AKAP6: variants seen among roughly 807,000 people sequenced by gnomAD.
AKAP6 encodes A-kinase anchoring protein 6, also known as A-kinase anchor protein 6.
Under a neutral mutation model 188.5 loss-of-function variants are expected in AKAP6, and 58 were observed. The ratio of observed to expected loss-of-function variants is 0.31; its 90% CI spans 0.25 to 0.38. AKAP6 has a LOEUF of 0.38. Among genes scored for constraint, AKAP6 ranks in the 10% least tolerant of loss-of-function variants. AKAP6 has a pLI of 1.00. For missense variants in AKAP6, 2,710 were observed against 2,740.0 expected, an observed-to-expected ratio of 0.99 and a Z score of 0.24; for synonymous variants, 989 against 998.6, an observed-to-expected ratio of 0.99 and a Z score of 0.18.
At chr14:32,536,341 G>C (rs1027364288) in intron 3 of AKAP6, among the ~76,000 whole-genome samples, 4 of 152,158 alleles carry the variant, frequency 2.6e-5, no homozygotes, top group Admixed American at 6.5e-5. Flanking sequence ...GGTGAACAGA[G>C]GCAGAACATG....
intron 9 of AKAP6, among the ~76,000 whole-genome samples, chr14:32,696,771 T>C (rs1890419770): frequency 6.6e-6 from 1 of 151,446 alleles, no homozygotes; most frequent in African/African-American, 2.4e-5. Context: ...GCAGTTCTTA[T>C]AAAGCAATCA....
intron 2 of AKAP6, among the ~76,000 whole-genome samples, chr14:32,533,371 A>G (rs1882514695): frequency 6.6e-6 from 1 of 152,174 alleles, no homozygotes; most frequent in South Asian, 2.1e-4. Flanking sequence ...AAAGTGGCTA[A>G]AAGGCATTGA....
At chr14:32,625,898 T>G (rs1887002771) in intron 7 of AKAP6, among the ~76,000 whole-genome samples, 1 of 152,122 alleles carries the variant, frequency 6.6e-6, no homozygotes. Context: ...GGTGACTGTA[T>G]TTCAGCCTGG....
intron 1 of AKAP6, among the ~76,000 whole-genome samples, chr14:32,352,095 G>GTGTT (rs1555320167): frequency 8.8e-4 from 101 of 114,816 alleles, no homozygotes; most frequent in Non-Finnish European, 1.5e-3. Context: ...GTGTGTGTGT[G>GTGTT]TGTGTGTTTG....
At chr14:32,713,788 G>GA in intron 9 of AKAP6, among the ~76,000 whole-genome samples, 1 of 152,112 alleles carries the variant, frequency 6.6e-6, no homozygotes, top group Non-Finnish European at 1.5e-5. Flanking sequence ...CTTCTATCTA[G>GA]ACCACTAAAA....
chr14:32,364,646 G>A (rs144051446), intron 1 of AKAP6, among the ~76,000 whole-genome samples: 7 of 151,876 alleles, frequency 4.6e-5, no homozygotes, highest in Non-Finnish European at 1.0e-4. Context: ...CTATCTCGGC[G>A]CTGTCCCCTG....
chr14:32,817,451 C>CTGTGTGTG (rs5807685), intron 12 of AKAP6, among the ~76,000 whole-genome samples: 1 of 144,586 alleles, frequency 6.9e-6, no homozygotes, highest in African/African-American at 2.5e-5. Flanking sequence ...ATCTGTATAG[C>CTGTGTGTG]TGTGTGTGTG....
At chr14:32,737,592 A>G (rs1431789078) in intron 11 of AKAP6, among the ~76,000 whole-genome samples, 1 of 152,094 alleles carries the variant, frequency 6.6e-6, no homozygotes, top group Non-Finnish European at 1.5e-5. Flanking sequence ...CTTTTTACAT[A>G]TGGGAAACCC....
chr14:32,543,795 C>T (rs1018887907), intron 3 of AKAP6, among the ~76,000 whole-genome samples: 11 of 152,018 alleles, frequency 7.2e-5, no homozygotes, highest in East Asian at 1.9e-4. Flanking sequence ...TATCCAGGGC[C>T]GGTGTCATCT....
chr14:32,650,582 G>A (rs560313452), intron 7 of AKAP6, among the ~76,000 whole-genome samples: 18 of 152,112 alleles, frequency 1.2e-4, no homozygotes, highest in Admixed American at 2.0e-4. Flanking sequence ...CTGTACTCCA[G>A]CGTGGGCAAC....
rs551476878 is a variant in AKAP6 at position 32,484,482 on chromosome 14, G to C, written c.324+50665G>C. ...GATGCAAGCAGAAGTAGGAGAGAAG[G>C]GGGTAGGAGTCAGAAGCTTATGTTG... On this transcript the variant is annotated intron_variant, in intron 2 of 13. Transcript: ENST00000280979. The C allele has an allele frequency of 6.0e-4, 113 of 189,010 alleles. 43 individuals are homozygous for C. The highest frequency in any genetic ancestry group is 3.4e-3 in the African/African-American group (34 of 10,094). The allele number at this position is 189,010 out of a possible 1,614,324, so 11.7% of individuals were successfully genotyped here.
intron 2 of AKAP6, among the ~76,000 whole-genome samples, chr14:32,444,286 T>A (rs547943801): frequency 6.6e-6 from 1 of 152,216 alleles, no homozygotes; most frequent in Admixed American, 6.5e-5. Flanking sequence ...CAAGAAAAAG[T>A]TCATCAGACC....
intron 4 of AKAP6, among the ~76,000 whole-genome samples, chr14:32,552,142 C>A (rs911668766): frequency 8.5e-5 from 13 of 152,178 alleles, no homozygotes; most frequent in African/African-American, 3.1e-4. Flanking sequence ...ATAAAGACTA[C>A]TGAATGACTG....
At chr14:32,379,832 A>G (rs370430176) in intron 1 of AKAP6, among the ~76,000 whole-genome samples, 5 of 152,164 alleles carry the variant, frequency 3.3e-5, no homozygotes, top group African/African-American at 1.2e-4. Flanking sequence ...GTGAATTGCC[A>G]TTGACAATGT....
chr14:32,526,089 G>C (rs1473703716), intron 2 of AKAP6, among the ~76,000 whole-genome samples: 1 of 151,980 alleles, frequency 6.6e-6, no homozygotes, highest in East Asian at 1.9e-4. Flanking sequence ...ATTTGAGACA[G>C]GGTCTCACTC....
In AKAP6 at chr14:32,591,165, G is replaced by C. The variant is rs1336790134; in HGVS notation, c.2470-8245G>C. 2.6e-5 allele frequency among the ~76,000 whole-genome samples: 4 copies of C among 152,224 alleles called. No individual in the cohort carries two copies. In the South Asian group the frequency reaches 6.2e-4, roughly 24 times the overall value. ...CTGCACATCAATTATTCCACCTCAG[G>C]GGGTAGAGAAATATTTGGGCCAGCA... is the stretch of plus-strand genomic sequence containing the variant. On this transcript the variant is annotated intron_variant, in intron 5 of 13. Coordinates refer to ENST00000280979, the MANE Select transcript of AKAP6 (RefSeq NM_004274.5).
chr14:32,750,179 A>C (rs2032069085), intron 11 of AKAP6, among the ~76,000 whole-genome samples: 1 of 151,962 alleles, frequency 6.6e-6, no homozygotes, highest in South Asian at 2.1e-4. Flanking sequence ...CTTTGTTTCC[A>C]CTGCAGTGAA....
At chr14:32,383,306 A>C (rs570529721) in intron 1 of AKAP6, among the ~76,000 whole-genome samples, 3 of 152,290 alleles carry the variant, frequency 2.0e-5, no homozygotes, top group Non-Finnish European at 2.9e-5. Context: ...GTAATAGATC[A>C]AGGCTTTTTA....
chr14:32,555,735 C>G (rs975198921), intron 4 of AKAP6, among the ~76,000 whole-genome samples: 2 of 152,100 alleles, frequency 1.3e-5, no homozygotes, highest in African/African-American at 4.8e-5. Context: ...CTTAGCATGT[C>G]CTTAAGGTTC....
Sources: gnomAD v4.1 joint callset for allele counts (sites outside exome capture counted in the v4.1 genomes callset) on GRCh38, gnomAD v4.1.1 for gene constraint, MANE v1.5 for transcripts, NCBI Gene and HGNC (gene_info 2026-07-23, HGNC 2026-07-21) for gene names.